Variants in PTPRO observed in about 807,000 individuals in gnomAD.
The protein encoded by PTPRO is protein tyrosine phosphatase receptor type O, also known as receptor-type tyrosine-protein phosphatase O.
PTPRO carries 62 observed loss-of-function variants against 145.2 expected under a neutral mutation model. That is an observed-to-expected ratio of 0.43 (90% confidence interval 0.35 to 0.53). The LOEUF (loss-of-function observed/expected upper bound fraction) is 0.53, where lower values mean the gene tolerates loss of function less well. Among genes scored for constraint, PTPRO ranks in the 20% least tolerant of loss-of-function variants. The pLI is 0.01. For synonymous variants in PTPRO, 565 were observed against 514.7 expected (o/e 1.10, Z -1.32); for missense variants, 1,345 against 1,482.7 (o/e 0.91, Z 1.53).
At chr12:15,516,371 GAA>G (rs931025201) in intron 8 of PTPRO, among the ~76,000 whole-genome samples, 6 of 141,884 alleles carry the variant, frequency 4.2e-5, no homozygotes, top group African/African-American at 1.6e-4. Context: ...AAAGAAGAAA[GAA>G]AGAACGAACG....
chr12:15,377,073 T>A (rs368056718), intron 1 of PTPRO, among the ~76,000 whole-genome samples: 2 of 151,780 alleles, frequency 1.3e-5, no homozygotes, highest in Non-Finnish European at 2.9e-5. Flanking sequence ...GGGGAGAGAG[T>A]AGAGCTATAC....
intron 1 of PTPRO, among the ~76,000 whole-genome samples, chr12:15,464,759 A>G (rs1591835291): frequency 6.6e-6 from 1 of 152,134 alleles, no homozygotes; most frequent in Non-Finnish European, 1.5e-5. Context: ...AGCATGATAT[A>G]CTTGTTTCAG....
chr12:15,404,078 C>G (rs1431873561), intron 1 of PTPRO, among the ~76,000 whole-genome samples: 1 of 151,250 alleles, frequency 6.6e-6, no homozygotes. Flanking sequence ...TGCCTGTAGT[C>G]CCAGCTACTC....
chr12:15,565,943 A>G (rs1943887546), intron 18 of PTPRO, among the ~76,000 whole-genome samples: 2 of 152,196 alleles, frequency 1.3e-5, no homozygotes. Flanking sequence ...TGAAAATCTA[A>G]TATTTAACTA....
At chr12:15,374,397 A>C (rs187664993) in intron 1 of PTPRO, among the ~76,000 whole-genome samples, 3 of 146,076 alleles carry the variant, frequency 2.1e-5, no homozygotes, top group Admixed American at 2.0e-4. Context: ...CAATTTGAGG[A>C]GTGTTTTATT....
At chr12:15,396,514 A>G (rs1250353787) in intron 1 of PTPRO, among the ~76,000 whole-genome samples, 1 of 152,174 alleles carries the variant, frequency 6.6e-6, no homozygotes, top group Admixed American at 6.5e-5. Context: ...TAAAGTATTA[A>G]CTATAAAACA....
chr12:15,565,699 G>T, intron 18 of PTPRO, 71 bp downstream of exon 18: 1 of 1,130,840 alleles, frequency 8.8e-7, no homozygotes. Context: ...ATTAAAGATT[G>T]CTTGTCTTCA....
intron 19 of PTPRO, among the ~76,000 whole-genome samples, chr12:15,570,270 G>T (rs867684549): frequency 6.7e-6 from 1 of 149,920 alleles, no homozygotes; most frequent in Non-Finnish European, 1.5e-5. Flanking sequence ...GGCTTGAGTG[G>T]TCAGTGATTC....
chr12:15,391,695 G>T (rs1939193020), intron 1 of PTPRO, among the ~76,000 whole-genome samples: 1 of 152,206 alleles, frequency 6.6e-6, no homozygotes, highest in African/African-American at 2.4e-5. Flanking sequence ...TGACCAAGTG[G>T]TAGCTGTAGT....
At chr12:15,548,690 C>G (rs141912406) in intron 13 of PTPRO, among the ~76,000 whole-genome samples, 56 of 152,210 alleles carry the variant, frequency 3.7e-4, no homozygotes, top group African/African-American at 1.3e-3. Context: ...TATGTCCTTT[C>G]AACGGATTTC....
Position 15,524,852 on chromosome 12 carries a change from A to G in PTPRO, c.1930A>G (p.Asn644Asp), listed in dbSNP as rs1243082514. The G allele has an allele frequency of 1.2e-5, 19 of 1,613,548 alleles. No individual in the cohort carries two copies. The highest frequency in any genetic ancestry group is 1.6e-5 in the Non-Finnish European group (19 of 1,179,460). Residue 644 changes from asparagine to aspartate, a missense_variant, in exon 11 of 27, where the codon AAC becomes GAC. By Grantham distance (23) the Asn-to-Asp change is conservative. Transcript: ENST00000281171. ...APEITSVEYF[N>D]SLLYISWTYG... is the part of the protein sequence containing the mutation. ...GGAAATCACTTCTGTGGAATATTTCAACAGTCTGTTATATATCAGTTGGAC... is the reference window on the plus strand; with the variant it reads ...GGAAATCACTTCTGTGGAATATTTCGACAGTCTGTTATATATCAGTTGGAC...
At position 15,526,188 on chromosome 12, in the gene PTPRO, A is replaced by G; in HGVS notation, c.2090A>G (p.Asp697Gly). 6.2e-7 allele frequency: 1 copy of G among 1,613,920 alleles called. No individual in the cohort carries two copies. ...MTAILSLPPGDIYNLSVTACT... is the reference protein window; with the variant it reads ...MTAILSLPPGGIYNLSVTACT... ...GCAATTCTCAGCTTGCCTCCAGGCG[A>G]CATCTATAACCTCTCAGTAACTGCT... The change falls in exon 12 of 27, where the codon GAC (aspartate) becomes GGC (glycine). Residue 697 changes from aspartate to glycine, a missense_variant. Physicochemically the swap from Asp to Gly is moderately conservative, Grantham distance 94 (BLOSUM62 -1). This residue lies in a region of PTPRO where 1,130 missense variants were observed against 1,214.7 expected (regional missense o/e 0.93). Transcript: ENST00000281171.
intron 14 of PTPRO, among the ~76,000 whole-genome samples, chr12:15,549,466 T>G (rs1390977404): frequency 6.6e-6 from 1 of 152,160 alleles, no homozygotes; most frequent in Admixed American, 6.6e-5. Context: ...TTTTGAAGCT[T>G]AGAAATAAAA....
At chr12:15,434,604 T>A (rs1054853296) in intron 1 of PTPRO, among the ~76,000 whole-genome samples, 1 of 152,212 alleles carries the variant, frequency 6.6e-6, no homozygotes, top group Non-Finnish European at 1.5e-5. Context: ...TATGTAGGTG[T>A]TATTATGTTA....
intron 1 of PTPRO, among the ~76,000 whole-genome samples, chr12:15,451,291 C>T (rs1941039137): frequency 6.6e-6 from 1 of 151,776 alleles, no homozygotes; most frequent in African/African-American, 2.4e-5. Flanking sequence ...TATCACAATC[C>T]TATATACATA....
intron 1 of PTPRO, among the ~76,000 whole-genome samples, chr12:15,460,980 A>T (rs1049870973): frequency 1.3e-5 from 2 of 152,130 alleles, no homozygotes; most frequent in African/African-American, 4.8e-5. Flanking sequence ...CATCCAGGGC[A>T]CTCTTAAATT....
At chr12:15,549,073 C>G in intron 13 of PTPRO, 21 bp from the exon 14 acceptor site, 5 of 1,610,526 alleles carry the variant, frequency 3.1e-6, no homozygotes, top group Non-Finnish European at 4.2e-6. Context: ...CTAAAATTTA[C>G]CTTATTTTCT....
At chr12:15,370,269 C>T (rs1938486655) in intron 1 of PTPRO, among the ~76,000 whole-genome samples, 1 of 152,074 alleles carries the variant, frequency 6.6e-6, no homozygotes. Flanking sequence ...AAATCCCAGC[C>T]TCCTTTATGT....
intron 1 of PTPRO, among the ~76,000 whole-genome samples, chr12:15,451,084 A>C (rs998827901): frequency 1.3e-5 from 2 of 152,172 alleles, no homozygotes; most frequent in African/African-American, 4.8e-5. Flanking sequence ...GCTGCCTTCA[A>C]GAGACTCACC....
Sources: allele counts gnomAD v4.1 joint callset (sites outside exome capture counted in the v4.1 genomes callset), GRCh38; gene constraint gnomAD v4.1.1; regional missense constraint gnomAD v4.1.1; transcripts MANE v1.5; gene names NCBI Gene and HGNC (gene_info 2026-07-23, HGNC 2026-07-21).